Variants in GCSH observed in about 807,000 individuals in gnomAD.
The protein encoded by GCSH is glycine cleavage system protein H.
GCSH carries 15 observed loss-of-function variants against 21.3 expected under a neutral mutation model. The observed-to-expected ratio is 0.70, with a 90% CI of 0.47 to 1.08. The LOEUF is 1.08. Ranked by LOEUF, GCSH falls within the 50% of genes least tolerant of loss-of-function variation. The pLI is 0.00. For missense variants in GCSH, 179 were observed against 217.5 expected (o/e 0.82, Z 1.11); for synonymous variants, 59 against 84.5 (o/e 0.70, Z 1.66).
At position 81,096,093 on chromosome 16, in the gene GCSH, G is replaced by A. The variant is rs943933022; in HGVS notation, c.148+38C>T. On this transcript the variant is annotated intron_variant, in intron 1 of 4. Coordinates refer to ENST00000315467, the MANE Select transcript of GCSH (RefSeq NM_004483.5). ...TGGGCCCGGGACAAGCAGCCCAGGC[G>A]GGGAGGGAGCAGCCGCCCACGTGCC... 4.0e-6 allele frequency: 5 copies of A among 1,237,866 alleles called. No homozygotes were observed. In the African/African-American group the frequency reaches 4.7e-5, roughly 12 times the overall value. The allele number at this position is 1,237,866 out of a possible 1,614,324, so 76.7% of individuals were successfully genotyped here. A position where few individuals can be genotyped will look rare whatever the true frequency, so the allele number is the denominator to read the frequency against.
Position 81,084,706 on chromosome 16 carries a change from A to T in GCSH, c.293-112T>A, listed in dbSNP as rs926155116. 3.2e-5 allele frequency: 26 copies of T among 814,808 alleles called. 1 individual carries two copies. The highest frequency in any genetic ancestry group is 1.1e-4 in the Admixed American group (4 of 34,914). 50.5% of individuals were successfully genotyped at this position (814,808 alleles called of 1,614,324 possible). ...ATACAGCTATGATTTTAAAATTCCA[A>T]ATTTCTTTTTTTTTTTTTTTTGAGA... is the stretch of plus-strand genomic sequence containing the variant. On this transcript the variant is annotated intron_variant, in intron 3 of 4. Transcript: ENST00000315467.
chr16:81,085,784 C>T lies in GCSH; in HGVS notation c.293-1190G>A, dbSNP rs184937194. Among the ~76,000 whole-genome samples the T allele has an allele frequency of 2.1e-4, 32 of 152,110 alleles. 1 individual carries two copies. The East Asian group carries it at 2.7e-3, about 13-fold the overall frequency. On this transcript the variant is annotated intron_variant, in intron 3 of 4. Transcript: ENST00000315467. ...CTGAGGCAGGAGAATCACTTGAACCCGGGAGGTGGAGGTTGCAGTGAGCCG... is the reference window on the plus strand; with the variant it reads ...CTGAGGCAGGAGAATCACTTGAACCTGGGAGGTGGAGGTTGCAGTGAGCCG...
chr16:81,089,598 A>G (rs1453726862), intron 2 of GCSH, among the ~76,000 whole-genome samples: 2 of 152,150 alleles, frequency 1.3e-5, no homozygotes, highest in African/African-American at 2.4e-5. Flanking sequence ...GAAGGACGCA[A>G]TCCCCGAGGA....
chr16:81,084,629 G>A (rs1162611482), intron 3 of GCSH, 35 bp from the exon 4 acceptor site: 3 of 1,535,156 alleles, frequency 2.0e-6, no homozygotes, highest in Non-Finnish European at 2.7e-6. Flanking sequence ...AACATGAAAT[G>A]TTAAAAGTCA....
In GCSH at chr16:81,082,840, T is replaced by G. The variant is rs1189592271; in HGVS notation, c.*26A>C. Reference sequence around the variant, plus strand: ...AACTCTGCTGGCTTGCGTTATTTCATACTAGTTTATTTAGGAGTTCCATTT... The same window carrying G: ...AACTCTGCTGGCTTGCGTTATTTCAGACTAGTTTATTTAGGAGTTCCATTT... On this transcript the variant is annotated 3_prime_UTR_variant, in exon 5 of 5. Transcript: ENST00000315467. 1 of 973,244 alleles carries G rather than the reference T, an allele frequency of 1.0e-6. No homozygotes were observed. The highest frequency in any genetic ancestry group is 1.6e-5 in the African/African-American group (1 of 61,322). The allele number at this position is 973,244 out of a possible 1,614,324, so 60.3% of individuals were successfully genotyped here.
chr16:81,086,506 A>G (rs1031604493), intron 3 of GCSH, among the ~76,000 whole-genome samples: 10 of 152,190 alleles, frequency 6.6e-5, no homozygotes, highest in African/African-American at 2.4e-4. Flanking sequence ...GCAGTGAGCC[A>G]ATGTCGCACC....
rs1314832404 is a variant in GCSH, at chr16:81,082,971, CA to C, written c.425-9del. 19 of 1,534,346 alleles carry C rather than the reference CA, an allele frequency of 1.2e-5. No homozygotes were observed. In the African/African-American group the frequency reaches 2.3e-4, roughly 19 times the overall value. ...TCATCTTGATCAGCCAACCTGCAACCAAAAGACAACCTTATATTCCACATTA... is the reference window on the plus strand; with the variant it reads ...TCATCTTGATCAGCCAACCTGCAACCAAAGACAACCTTATATTCCACATTA... On this transcript the variant is annotated splice_polypyrimidine_tract_variant and intron_variant, in intron 4 of 4. Coordinates refer to ENST00000315467, the MANE Select transcript of GCSH (RefSeq NM_004483.5).
chr16:81,087,795 T>A, intron 2 of GCSH, 131 bp from the exon 3 acceptor site: 1 of 708,776 alleles, frequency 1.4e-6, no homozygotes. Context: ...AGGGGCTACA[T>A]TCTTGAGTTT....
intron 1 of GCSH, among the ~76,000 whole-genome samples, chr16:81,093,117 C>T (rs1267774792): frequency 2.1e-5 from 3 of 143,684 alleles, no homozygotes; most frequent in Non-Finnish European, 4.5e-5. Context: ...AGCGAAACTT[C>T]ATCTCCAAAA....
chr16:81,089,927 T>C (rs1359935495), intron 2 of GCSH, among the ~76,000 whole-genome samples: 1 of 152,178 alleles, frequency 6.6e-6, no homozygotes, highest in African/African-American at 2.4e-5. Flanking sequence ...TTCTTTTTCC[T>C]CTTTCCTTAA....
chr16:81,094,302 G>T (rs1474041919), intron 1 of GCSH, among the ~76,000 whole-genome samples: 1 of 152,028 alleles, frequency 6.6e-6, no homozygotes, highest in African/African-American at 2.4e-5. Context: ...CTTTTTCAAT[G>T]TCACTAGTCA....
chr16:81,089,368 G>A (rs2151770581), intron 2 of GCSH, among the ~76,000 whole-genome samples: 1 of 152,228 alleles, frequency 6.6e-6, no homozygotes, highest in South Asian at 2.1e-4. Flanking sequence ...TCAGATTTTT[G>A]GAGTATTTCA....
chr16:81,094,875 T>C (rs950669803), intron 1 of GCSH, among the ~76,000 whole-genome samples: 6 of 152,018 alleles, frequency 3.9e-5, no homozygotes, highest in African/African-American at 1.2e-4. Flanking sequence ...GGCGGGTGGA[T>C]CACTTGAGGT....
intron 1 of GCSH, among the ~76,000 whole-genome samples, chr16:81,092,242 T>C (rs8177859): frequency 0.031 from 4,671 of 152,138 alleles, 194 homozygotes; most frequent in African/African-American, 0.1. Context: ...TACGGCACCC[T>C]GTACCACTAT....
intron 4 of GCSH, chr16:81,083,584 A>G (rs1972213556): frequency 6.5e-6 from 1 of 154,796 alleles, no homozygotes; most frequent in African/African-American, 2.4e-5. Context: ...TGTCTTTAAC[A>G]AATGGAACAC....
At chr16:81,083,052 A>T in intron 4 of GCSH, 89 bp from the exon 5 acceptor site, 1 of 828,094 alleles carries the variant, frequency 1.2e-6, no homozygotes, top group Non-Finnish European at 2.2e-6. Flanking sequence ...TGAGCGCCTC[A>T]ATCTTGTATT....
rs1216101251 is a variant in GCSH at position 81,090,790 on chromosome 16, T to C, written c.149-110A>G. The C allele has an allele frequency of 1.0e-5, 8 of 772,386 alleles. No individual in the cohort carries two copies. The East Asian group carries it at 1.5e-4, about 15-fold the overall frequency. The allele number at this position is 772,386 out of a possible 1,614,324, so 47.8% of individuals were successfully genotyped here. On this transcript the variant is annotated intron_variant, in intron 1 of 4. Transcript: ENST00000315467. ...TTCCCAGAATTTCTGTTTGACCTGT[T>C]GACACTACCTTTAAATAGTGCATGG...
At chr16:81,084,631 T>C in intron 3 of GCSH, 37 bp from the exon 4 acceptor site, 1 of 1,509,942 alleles carries the variant, frequency 6.6e-7, no homozygotes, top group Non-Finnish European at 9.1e-7. Context: ...CATGAAATGT[T>C]AAAAGTCAGT....
At chr16:81,086,689 T>A (rs942547802) in intron 3 of GCSH, among the ~76,000 whole-genome samples, 1 of 150,922 alleles carries the variant, frequency 6.6e-6, no homozygotes, top group Non-Finnish European at 1.5e-5. Flanking sequence ...AGGAATGAAG[T>A]GGGAAGAGAA....
Sources: gnomAD v4.1 joint callset for allele counts (sites outside exome capture counted in the v4.1 genomes callset) on GRCh38, gnomAD v4.1.1 for gene constraint, MANE v1.5 for transcripts, NCBI Gene and HGNC (gene_info 2026-07-23, HGNC 2026-07-21) for gene names.